The following CYP19A1 variants were observed in gnomAD, a reference collection of about 807,000 sequenced individuals.
The protein encoded by CYP19A1 is cytochrome P450 family 19 subfamily A member 1, also known as aromatase.
A neutral mutation model predicts 44.4 loss-of-function variants in CYP19A1; 32 were observed. The observed-to-expected ratio is 0.72, with a 90% CI of 0.54 to 0.97. The LOEUF is 0.97. Among genes scored for constraint, CYP19A1 ranks in the 50% least tolerant of loss-of-function variants. CYP19A1 has a pLI of 0.00. For synonymous variants in CYP19A1, 212 were observed against 215.6 expected (o/e 0.98, Z 0.14); for missense variants, 598 against 637.8 (o/e 0.94, Z 0.67).
intron 6 of CYP19A1, 94 bp downstream of exon 6, chr15:51,218,447 A>G (rs1340260393): frequency 2.0e-6 from 3 of 1,520,604 alleles, no homozygotes; most frequent in East Asian, 2.5e-5. Flanking sequence ...GAGAGCAGAA[A>G]AGTTACCTGA....
chr15:51,310,394 TAGAC>T (rs1260639535), intron 1 of CYP19A1, among the ~76,000 whole-genome samples: 1 of 152,212 alleles, frequency 6.6e-6, no homozygotes, highest in Non-Finnish European at 1.5e-5. Context: ...CCAGCAGTCA[TAGAC>T]AGCAACAACC....
At chr15:51,233,584 A>T (rs1306946729) in intron 3 of CYP19A1, among the ~76,000 whole-genome samples, 1 of 152,236 alleles carries the variant, frequency 6.6e-6, no homozygotes, top group Non-Finnish European at 1.5e-5. Context: ...GTAAATGTAT[A>T]TTCACAGAAT....
Position 51,210,345 on chromosome 15 carries a change from G to A in CYP19A1, c.*463C>T. On this transcript the variant is annotated 3_prime_UTR_variant, in exon 10 of 10. Transcript: ENST00000396402. ...CACCTCCACAGAAAACAAAATTAAA[G>A]TACTTTAATTCACACTAGCAGGTGG... 2.1e-6 allele frequency: 1 copy of A among 482,042 alleles called. No homozygotes were observed. Among genetic ancestry groups the A allele is most frequent in the East Asian group, 5.2e-5 (1 of 19,100 alleles). The allele number at this position is 482,042 out of a possible 1,614,324, so 29.9% of individuals were successfully genotyped here. A position where few individuals can be genotyped will look rare whatever the true frequency, so the allele number is the denominator to read the frequency against.
At chr15:51,301,173 A>G (rs28757113) in intron 1 of CYP19A1, among the ~76,000 whole-genome samples, 2,404 of 152,342 alleles carry the variant, frequency 0.016, 71 homozygotes, top group African/African-American at 0.056. Flanking sequence ...AGAAGCTGGA[A>G]AGACCAGCTG....
intron 1 of CYP19A1, among the ~76,000 whole-genome samples, chr15:51,288,403 T>C (rs539104559): frequency 1.1e-3 from 164 of 152,286 alleles, no homozygotes; most frequent in South Asian, 2.1e-3. Flanking sequence ...AGCTGCTACT[T>C]GAGTCACAGC....
At chr15:51,221,283 A>G (rs1223231776) in intron 5 of CYP19A1, 1 of 152,204 alleles carries the variant, frequency 6.6e-6, no homozygotes, top group Non-Finnish European at 1.5e-5. Flanking sequence ...GTGTACATGT[A>G]TTACTACCTT....
intron 1 of CYP19A1, among the ~76,000 whole-genome samples, chr15:51,275,404 A>G (rs373984474): frequency 7.2e-5 from 11 of 152,326 alleles, no homozygotes; most frequent in East Asian, 3.9e-4. Flanking sequence ...TTGCTTTACT[A>G]AGACCAGAGG....
chr15:51,336,022 G>T (rs906202628), intron 1 of CYP19A1, among the ~76,000 whole-genome samples: 2 of 152,062 alleles, frequency 1.3e-5, no homozygotes, highest in Admixed American at 6.6e-5. Flanking sequence ...CCCTATCTTC[G>T]CCTAGTTTAC....
intron 6 of CYP19A1, 156 bp downstream of exon 6, chr15:51,218,385 T>C: frequency 8.5e-7 from 1 of 1,177,992 alleles, no homozygotes; most frequent in Non-Finnish European, 1.2e-6. Flanking sequence ...GCCAAATTGC[T>C]GTAAAAAGTG....
At chr15:51,248,710 C>T (rs957202965) in intron 1 of CYP19A1, among the ~76,000 whole-genome samples, 8 of 152,140 alleles carry the variant, frequency 5.3e-5, no homozygotes, top group Admixed American at 3.9e-4. Flanking sequence ...GGCCTTCATA[C>T]GTGCTTGTTA....
chr15:51,223,800 G>T (rs1380115299), intron 4 of CYP19A1, among the ~76,000 whole-genome samples: 1 of 152,106 alleles, frequency 6.6e-6, no homozygotes. Flanking sequence ...GATATGAAAG[G>T]CCAGGATGTT....
intron 1 of CYP19A1, among the ~76,000 whole-genome samples, chr15:51,248,346 G>A (rs895152363): frequency 1.5e-4 from 23 of 152,320 alleles, no homozygotes; most frequent in African/African-American, 5.5e-4. Context: ...GCTACACACT[G>A]GGAGCTAGTC....
At chr15:51,294,090 G>A (rs930873441) in intron 1 of CYP19A1, among the ~76,000 whole-genome samples, 13 of 136,670 alleles carry the variant, frequency 9.5e-5, no homozygotes, top group East Asian at 2.1e-4. Context: ...CTGCCCGGCC[G>A]CCATCCTGTC....
chr15:51,277,979 C>G (rs1342812138), intron 1 of CYP19A1: 1 of 99,700 alleles, frequency 1.0e-5, no homozygotes, highest in Non-Finnish European at 1.8e-5. Flanking sequence ...TTTTTTTTCC[C>G]CAGGAAAATG....
rs958526531 is a variant in CYP19A1, at chr15:51,253,889, T to C, written c.-38-10939A>G. Among the ~76,000 whole-genome samples, 12 of 152,318 alleles carry C rather than the reference T, an allele frequency of 7.9e-5. No individual in the cohort carries two copies. In the South Asian group the frequency reaches 1.2e-3, roughly 16 times the overall value. On this transcript the variant is annotated intron_variant, in intron 1 of 9. Transcript: ENST00000396402. The stretch of plus-strand genomic sequence containing the variant: ...TTCACGTGAATGATGGGACTTGTTC[T>C]GGGCCTTGAAATGTGGTTGAGATTT...
chr15:51,231,819 C>A (rs2033059478), intron 3 of CYP19A1, among the ~76,000 whole-genome samples: 1 of 151,964 alleles, frequency 6.6e-6, no homozygotes, highest in Non-Finnish European at 1.5e-5. Flanking sequence ...CCAATTTTCC[C>A]AAGAAAGTGG....
intron 1 of CYP19A1, among the ~76,000 whole-genome samples, chr15:51,249,262 C>T (rs1030678467): frequency 6.6e-6 from 1 of 152,060 alleles, no homozygotes; most frequent in Non-Finnish European, 1.5e-5. Context: ...TTGACCCAGC[C>T]TTATTTCTTG....
intron 1 of CYP19A1, chr15:51,313,979 G>A (rs1177998917): frequency 2.0e-5 from 3 of 152,010 alleles, no homozygotes; most frequent in Non-Finnish European, 4.4e-5. Context: ...GAGAGAACAG[G>A]CTTTGCTGTC....
At chr15:51,260,121 A>G (rs1444970324) in intron 1 of CYP19A1, among the ~76,000 whole-genome samples, 1 of 152,220 alleles carries the variant, frequency 6.6e-6, no homozygotes, top group African/African-American at 2.4e-5. Context: ...CAGTGAGGCA[A>G]TCTTTCTTGT....
Sources: gnomAD v4.1 joint callset for allele counts (sites outside exome capture counted in the v4.1 genomes callset) on GRCh38, gnomAD v4.1.1 for gene constraint, MANE v1.5 for transcripts, NCBI Gene and HGNC (gene_info 2026-07-23, HGNC 2026-07-21) for gene names.